The following KLHL29 variants were observed in gnomAD, a reference collection of about 807,000 sequenced individuals.
The protein encoded by KLHL29 is kelch-like protein 29.
Under a neutral mutation model 80.4 loss-of-function variants are expected in KLHL29, and 21 were observed. That is an observed-to-expected ratio of 0.26 (90% CI 0.19 to 0.38). KLHL29 has a LOEUF of 0.38. KLHL29 is among the 10% of genes least tolerant of loss of function. KLHL29 has a pLI of 1.00. For missense variants in KLHL29, 867 were observed against 1,223.9 expected (o/e 0.71, Z 4.35); for synonymous variants, 511 against 526.8 (o/e 0.97, Z 0.41).
At chr2:23,606,183 AGAGAGG>A (rs1406807476) in intron 3 of KLHL29, among the ~76,000 whole-genome samples, 1 of 119,152 alleles carries the variant, frequency 8.4e-6, no homozygotes, top group African/African-American at 3.5e-5. Flanking sequence ...TGAGAGAGAG[AGAGAGG>A]GAGAGAGAGA....
intron 1 of KLHL29, among the ~76,000 whole-genome samples, chr2:23,386,443 C>T (rs1238890706): frequency 6.6e-6 from 1 of 152,246 alleles, no homozygotes; most frequent in Admixed American, 6.5e-5. Flanking sequence ...CACACACGCA[C>T]ACTTCCCTTG....
At chr2:23,655,696 A>G (rs955343939) in intron 5 of KLHL29, among the ~76,000 whole-genome samples, 58 of 152,234 alleles carry the variant, frequency 3.8e-4, no homozygotes, top group Admixed American at 8.5e-4. Flanking sequence ...GAGATGCACA[A>G]GAATACAGCT....
chr2:23,695,908 G>A lies in KLHL29; in HGVS notation c.1742-43G>A. ...GAGGTGCCAGGCACAGATGCCGACA[G>A]TCTTAGAGTGTGTCCCAAGGGCGCC... On this transcript the variant is annotated intron_variant, in intron 9 of 13. Transcript: ENST00000486442. This position sits in a 1 kb window ranked among gnomAD's most constrained non-coding sequence, Gnocchi z 7.6. 1 of 1,544,082 alleles carries A rather than the reference G, an allele frequency of 6.5e-7. No individual in the cohort carries two copies. The highest frequency in any genetic ancestry group is 8.7e-7 in the Non-Finnish European group (1 of 1,144,086).
chr2:23,554,560 G>T (rs1233257104), intron 2 of KLHL29, among the ~76,000 whole-genome samples: 1 of 152,318 alleles, frequency 6.6e-6, no homozygotes, highest in East Asian at 1.9e-4. Context: ...CCTGTGTACA[G>T]TGTGTACACA....
intron 2 of KLHL29, among the ~76,000 whole-genome samples, chr2:23,521,939 C>T (rs1448818758): frequency 1.3e-5 from 2 of 152,186 alleles, no homozygotes; most frequent in Admixed American, 1.3e-4. Flanking sequence ...TAAGTTTGTG[C>T]ACCTGCTTTT....
intron 1 of KLHL29, among the ~76,000 whole-genome samples, chr2:23,422,136 TGTG>T (rs1219001416): frequency 6.6e-6 from 1 of 151,652 alleles, no homozygotes; most frequent in African/African-American, 2.4e-5. Context: ...CTTTGTGTGT[TGTG>T]TGTGTCTGTG....
chr2:23,512,889 C>T lies in KLHL29; in HGVS notation c.-46+37222C>T, dbSNP rs112839587. Reference sequence around the variant, plus strand: ...ACAGTCCACTCAGGTGACAACGTGTCGTACTTCTCTGTGCATGCTGTGGGG... The same window carrying T: ...ACAGTCCACTCAGGTGACAACGTGTTGTACTTCTCTGTGCATGCTGTGGGG... On this transcript the variant is annotated intron_variant, in intron 2 of 13. Coordinates refer to ENST00000486442, the MANE Select transcript of KLHL29 (RefSeq NM_052920.2). Among the ~76,000 whole-genome samples the T allele has an allele frequency of 6.6e-3, 998 of 152,362 alleles. 11 individuals are homozygous for T. Among genetic ancestry groups the T allele is most frequent in the African/African-American group, 0.022 (919 of 41,580 alleles).
chr2:23,513,401 T>C (rs1665831061), intron 2 of KLHL29, among the ~76,000 whole-genome samples: 1 of 152,210 alleles, frequency 6.6e-6, no homozygotes, highest in East Asian at 1.9e-4. Context: ...TGAAAATGCC[T>C]GCCCTCGGAA....
Position 23,389,045 on chromosome 2 carries a change from G to A in KLHL29, c.-154+3265G>A, listed in dbSNP as rs554242097. Among the ~76,000 whole-genome samples, 22 of 105,142 alleles carry A rather than the reference G, an allele frequency of 2.1e-4. No homozygotes were observed. The East Asian group carries it at 5.7e-3, about 27-fold the overall frequency. 69.0% of individuals were successfully genotyped at this position (105,142 alleles called of 152,430 possible). A position where few individuals can be genotyped will look rare whatever the true frequency, so the allele number is the denominator to read the frequency against. On this transcript the variant is annotated intron_variant, in intron 1 of 13. Transcript: ENST00000486442. ...TACTGTTATGGCTTAGGCATTCTTTGTGTCATCGGTTGTATCTGGCTTGGA... is the reference window on the plus strand; with the variant it reads ...TACTGTTATGGCTTAGGCATTCTTTATGTCATCGGTTGTATCTGGCTTGGA...
At chr2:23,434,850 G>C (rs982012552) in intron 1 of KLHL29, among the ~76,000 whole-genome samples, 4 of 152,166 alleles carry the variant, frequency 2.6e-5, no homozygotes, top group African/African-American at 7.2e-5. Flanking sequence ...GCCCAGCATC[G>C]TGTGGTCGAG....
intron 2 of KLHL29, among the ~76,000 whole-genome samples, chr2:23,558,161 C>T (rs1667346654): frequency 1.3e-5 from 2 of 151,794 alleles, no homozygotes; most frequent in South Asian, 2.1e-4. Context: ...GGGAGAGTTC[C>T]TCCTTGTGCC....
chr2:23,405,578 C>A, intron 1 of KLHL29, among the ~76,000 whole-genome samples: 1 of 152,202 alleles, frequency 6.6e-6, no homozygotes, highest in Admixed American at 6.5e-5. Flanking sequence ...TCCACAGATC[C>A]TGCTGATGAC....
At chr2:23,668,595 G>A (rs1349351320) in intron 5 of KLHL29, 3 of 152,330 alleles carry the variant, frequency 2.0e-5, no homozygotes, top group Admixed American at 1.3e-4. Flanking sequence ...GAGGGGAACA[G>A]ATAGGAGCTG....
chr2:23,457,530 C>G lies in KLHL29; in HGVS notation c.-153-18030C>G, dbSNP rs570886211. 4.6e-5 allele frequency among the ~76,000 whole-genome samples: 7 copies of G among 152,310 alleles called. No individual in the cohort carries two copies. The East Asian group carries it at 1.4e-3, about 29-fold the overall frequency. On this transcript the variant is annotated intron_variant, in intron 1 of 13. Transcript: ENST00000486442. This position sits in a 1 kb window ranked among gnomAD's most constrained non-coding sequence, Gnocchi z 4.3. Reference sequence around the variant, plus strand: ...ACCCCTCAACCCGTCACCTTGTGTTCCCCGAGGTGGGGGTGCCTCTGGAAT... The same window carrying G: ...ACCCCTCAACCCGTCACCTTGTGTTGCCCGAGGTGGGGGTGCCTCTGGAAT...
At position 23,630,100 on chromosome 2, in the gene KLHL29, T is replaced by C. The variant is rs368830569; in HGVS notation, c.286-9039T>C. ...TCCCGTATTTGGCATTAGGAGGCGA[T>C]TGTTCATTTAAAGGGGGTGGTTTCA... On this transcript the variant is annotated intron_variant, in intron 3 of 13. Coordinates refer to ENST00000486442, the MANE Select transcript of KLHL29 (RefSeq NM_052920.2). Among the ~76,000 whole-genome samples, 233 of 152,240 alleles carry C rather than the reference T, an allele frequency of 1.5e-3. 8 individuals carry two copies. The South Asian group carries it at 0.046, about 30-fold the overall frequency.
chr2:23,573,642 G>A (rs1365790738), intron 3 of KLHL29, among the ~76,000 whole-genome samples: 1 of 152,230 alleles, frequency 6.6e-6, no homozygotes, highest in Non-Finnish European at 1.5e-5. Context: ...ACCAACAAAT[G>A]TCAGGATCAA....
intron 3 of KLHL29, among the ~76,000 whole-genome samples, chr2:23,565,304 T>C (rs1012745691): frequency 6.6e-6 from 1 of 152,106 alleles, no homozygotes; most frequent in Non-Finnish European, 1.5e-5. Flanking sequence ...CCTCAAGTGA[T>C]CCACCCACCT....
chr2:23,654,602 G>C (rs1420700694), intron 5 of KLHL29, among the ~76,000 whole-genome samples: 1 of 150,426 alleles, frequency 6.6e-6, no homozygotes, highest in Admixed American at 6.7e-5. Context: ...TGGCCCTGCT[G>C]TTGGTCTTGG....
intron 3 of KLHL29, among the ~76,000 whole-genome samples, chr2:23,593,894 C>T (rs960825054): frequency 2.0e-5 from 3 of 152,212 alleles, no homozygotes; most frequent in African/African-American, 7.2e-5. Context: ...TGTCCACAAG[C>T]TTTTCCTTCA....
Sources: gnomAD v4.1 joint callset for allele counts (sites outside exome capture counted in the v4.1 genomes callset) on GRCh38, gnomAD v4.1.1 for gene constraint, Gnocchi (gnomAD v3.1) non-coding constraint, MANE v1.5 for transcripts, NCBI Gene and HGNC (gene_info 2026-07-23, HGNC 2026-07-21) for gene names.